IDE: variants seen among roughly 807,000 people sequenced by gnomAD.
IDE encodes insulin degrading enzyme, also known as insulin-degrading enzyme.
A neutral mutation model predicts 133.2 loss-of-function variants in IDE; 58 were observed. The ratio of observed to expected loss-of-function variants is 0.44; its 90% CI spans 0.35 to 0.54. The LOEUF (loss-of-function observed/expected upper bound fraction) is 0.54, where lower values mean the gene tolerates loss of function less well. IDE is among the 20% of genes least tolerant of loss of function. The pLI is 0.00. For missense variants in IDE, 981 were observed against 1,234.0 expected (o/e 0.79, Z 3.07); for synonymous variants, 396 against 421.3 (o/e 0.94, Z 0.73).
intron 3 of IDE, among the ~76,000 whole-genome samples, chr10:92,534,252 G>A (rs183124325): frequency 1.4e-4 from 21 of 152,272 alleles, no homozygotes; most frequent in African/African-American, 4.3e-4. Context: ...AATATTTAAG[G>A]TTTAGCATTC....
intron 4 of IDE, among the ~76,000 whole-genome samples, chr10:92,523,086 G>A (rs1418857096): frequency 6.6e-6 from 1 of 151,970 alleles, no homozygotes; most frequent in African/African-American, 2.4e-5. Flanking sequence ...AGAAAATTTG[G>A]GCTCATTTAT....
intron 15 of IDE, 117 bp downstream of exon 15, chr10:92,479,160 A>T: frequency 1.6e-6 from 1 of 610,968 alleles, no homozygotes; most frequent in Non-Finnish European, 2.7e-6. Context: ...AAATATGATT[A>T]GCCATAAAGA....
intron 2 of IDE, among the ~76,000 whole-genome samples, chr10:92,535,851 C>T (rs1841970528): frequency 1.3e-5 from 2 of 152,116 alleles, no homozygotes; most frequent in Admixed American, 1.3e-4. Flanking sequence ...GCCTGGCCTA[C>T]ATGGCAAAAC....
chr10:92,524,324 AT>A (rs1410164891), intron 4 of IDE, among the ~76,000 whole-genome samples: 1,308 of 66,146 alleles, frequency 0.02, 73 homozygotes, highest in Admixed American at 0.031. Flanking sequence ...TATATAATAT[AT>A]TATTATATAT....
At position 92,470,250 on chromosome 10, in the gene IDE, C is replaced by T. The variant is rs935973322; in HGVS notation, c.2208+4G>A. ...AAAAGATTGCTAAAACCTCAACCAC[C>T]CACCTGCTTTGTTATGTTTCCATGG... On this transcript the variant is annotated splice_donor_region_variant and intron_variant, in intron 18 of 24. Coordinates refer to ENST00000265986, the MANE Select transcript of IDE (RefSeq NM_004969.4). 2.5e-6 allele frequency: 4 copies of T among 1,589,776 alleles called. No individual in the cohort carries two copies. The African/African-American group carries it at 5.4e-5, about 21-fold the overall frequency.
rs1018455275 is a variant in IDE, at chr10:92,486,645, A to C, written c.1656+551T>G. Reference sequence around the variant, plus strand: ...ATACAATTTTTTACATACTTTACTCAAGTTCTGAAATAATAGCATGAAAAG... The same window carrying C: ...ATACAATTTTTTACATACTTTACTCCAGTTCTGAAATAATAGCATGAAAAG... On this transcript the variant is annotated intron_variant, in intron 13 of 24. Transcript: ENST00000265986. Among the ~76,000 whole-genome samples, 5 of 152,328 alleles carry C rather than the reference A, an allele frequency of 3.3e-5. No individual in the cohort carries two copies. The South Asian group carries it at 1.0e-3, about 32-fold the overall frequency.
chr10:92,502,628 A>G (rs1848084298), intron 11 of IDE, among the ~76,000 whole-genome samples: 3 of 152,204 alleles, frequency 2.0e-5, no homozygotes, highest in South Asian at 4.1e-4. Context: ...TATGTGAACT[A>G]TATCTCGCCA....
At chr10:92,508,262 TAAGAA>T (rs1848401003) in intron 7 of IDE, 57 bp from the exon 8 acceptor site, 1 of 1,377,378 alleles carries the variant, frequency 7.3e-7, no homozygotes, top group African/African-American at 1.5e-5. Context: ...TCCTTGAAGA[TAAGAA>T]AAATTTTAAA....
intron 11 of IDE, among the ~76,000 whole-genome samples, chr10:92,497,179 T>C (rs1847753677): frequency 6.6e-6 from 1 of 152,214 alleles, no homozygotes. Flanking sequence ...AAAGACTCTA[T>C]AGCTGTCTTT....
chr10:92,468,343 C>T (rs1376450617), intron 19 of IDE, among the ~76,000 whole-genome samples: 2 of 152,140 alleles, frequency 1.3e-5, no homozygotes, highest in Non-Finnish European at 2.9e-5. Context: ...GACAATAATG[C>T]TTAATGAGTT....
At chr10:92,541,765 T>C (rs768878723) in intron 1 of IDE, among the ~76,000 whole-genome samples, 27 of 152,196 alleles carry the variant, frequency 1.8e-4, no homozygotes, top group Non-Finnish European at 3.7e-4. Flanking sequence ...AGATGTTATC[T>C]AGTCCTTTGC....
At chr10:92,509,902 C>T in intron 6 of IDE, 148 bp downstream of exon 6, 1 of 479,492 alleles carries the variant, frequency 2.1e-6, no homozygotes, top group South Asian at 2.6e-5. Context: ...GCCTGGGTGA[C>T]AATGCAAGAC....
intron 4 of IDE, among the ~76,000 whole-genome samples, chr10:92,528,990 T>C (rs1849774152): frequency 1.3e-5 from 2 of 151,952 alleles, no homozygotes; most frequent in South Asian, 2.1e-4. Context: ...GGCAGGAGAA[T>C]CGCTTGAACC....
At position 92,550,141 on chromosome 10, in the gene IDE, C is replaced by T. The variant is rs188056040; in HGVS notation, c.99-12591G>A. 7.6e-4 allele frequency among the ~76,000 whole-genome samples: 115 copies of T among 151,962 alleles called. 1 individual carries two copies. Among genetic ancestry groups the T allele is most frequent in the African/African-American group, 2.7e-3 (112 of 41,522 alleles). ...TGAGATCACGCCATTGCACGTCAGC[C>T]TGGGCCATCTCAAAAACTAAGTAAA... is the stretch of plus-strand genomic sequence containing the variant. On this transcript the variant is annotated intron_variant, in intron 1 of 24. Transcript: ENST00000265986.
chr10:92,530,256 A>ATAAATAAATAAATAAC (rs1309383599), intron 4 of IDE, among the ~76,000 whole-genome samples: 3 of 151,540 alleles, frequency 2.0e-5, no homozygotes, highest in East Asian at 3.9e-4. Flanking sequence ...AAATAAATAA[A>ATAAATAAATAAATAAC]TAACCATTTG....
At chr10:92,545,228 T>C (rs1180320597) in intron 1 of IDE, among the ~76,000 whole-genome samples, 1 of 152,084 alleles carries the variant, frequency 6.6e-6, no homozygotes, top group African/African-American at 2.4e-5. Context: ...ATTTCAACAT[T>C]GTATTGGTAG....
intron 1 of IDE, among the ~76,000 whole-genome samples, chr10:92,553,872 T>C (rs1842900034): frequency 6.6e-6 from 1 of 152,154 alleles, no homozygotes; most frequent in African/African-American, 2.4e-5. Flanking sequence ...CCAGGACCCA[T>C]GGCTTTCCTG....
At chr10:92,530,939 G>T (rs1487213195) in intron 4 of IDE, among the ~76,000 whole-genome samples, 3 of 152,084 alleles carry the variant, frequency 2.0e-5, no homozygotes, top group Non-Finnish European at 4.4e-5. Context: ...TCATAATAGA[G>T]AAGTGAATTT....
intron 15 of IDE, among the ~76,000 whole-genome samples, chr10:92,477,222 G>A (rs1221665141): frequency 4.6e-5 from 7 of 151,876 alleles, no homozygotes; most frequent in Non-Finnish European, 8.8e-5. Context: ...GTACAATCTC[G>A]GCTGACTGCA....
Sources: gnomAD v4.1 joint callset for allele counts (sites outside exome capture counted in the v4.1 genomes callset) on GRCh38, gnomAD v4.1.1 for gene constraint, MANE v1.5 for transcripts, NCBI Gene and HGNC (gene_info 2026-07-23, HGNC 2026-07-21) for gene names.